The following TLN2 variants were observed in gnomAD, a reference collection of about 807,000 sequenced individuals.
TLN2 encodes the protein talin 2.
TLN2 carries 118 observed loss-of-function variants against 294.7 expected under a neutral mutation model. That is an observed-to-expected ratio of 0.40 (90% confidence interval 0.34 to 0.47). TLN2 has a LOEUF of 0.47. Ranked by LOEUF, TLN2 falls within the 20% of genes least tolerant of loss-of-function variation. TLN2 has a pLI of 0.84. For missense variants in TLN2, 3,083 were observed against 3,282.2 expected, an observed-to-expected ratio of 0.94 and a Z score of 1.48; for synonymous variants, 1,431 against 1,304.5, an observed-to-expected ratio of 1.10 and a Z score of -2.09.
intron 2 of TLN2, among the ~76,000 whole-genome samples, chr15:62,595,002 A>G (rs980414448): frequency 6.6e-6 from 1 of 152,250 alleles, no homozygotes; most frequent in Non-Finnish European, 1.5e-5. Context: ...ACATTTCTCA[A>G]AAGAAGATAC....
intron 1 of TLN2, among the ~76,000 whole-genome samples, chr15:62,490,037 T>C (rs1032793314): frequency 6.6e-6 from 1 of 152,208 alleles, no homozygotes; most frequent in Non-Finnish European, 1.5e-5. Flanking sequence ...GGCATTGCAT[T>C]CGGGGGTAAT....
chr15:62,428,788 A>C (rs770546343), intron 1 of TLN2, among the ~76,000 whole-genome samples: 8 of 152,232 alleles, frequency 5.3e-5, no homozygotes, highest in Non-Finnish European at 4.4e-5. Context: ...GTCGTGTGTT[A>C]AAGTGTGAAT....
chr15:62,445,697 T>C (rs1455292863), intron 1 of TLN2, among the ~76,000 whole-genome samples: 1 of 152,010 alleles, frequency 6.6e-6, no homozygotes, highest in Admixed American at 6.6e-5. Flanking sequence ...AGGGTCTTGC[T>C]CTGTCACCGA....
chr15:62,466,653 A>T (rs1023118851), intron 1 of TLN2, among the ~76,000 whole-genome samples: 2 of 152,276 alleles, frequency 1.3e-5, no homozygotes, highest in African/African-American at 4.8e-5. Context: ...GGAATATAAA[A>T]TGCACAGCTG....
intron 42 of TLN2, among the ~76,000 whole-genome samples, chr15:62,776,510 G>T (rs1354151997): frequency 1.3e-5 from 2 of 152,068 alleles, no homozygotes; most frequent in African/African-American, 4.8e-5. Context: ...TATAAAATTG[G>T]TCATGTCATA....
At chr15:62,773,757 C>T (rs1293306027) in intron 42 of TLN2, among the ~76,000 whole-genome samples, 4 of 152,150 alleles carry the variant, frequency 2.6e-5, no homozygotes, top group Non-Finnish European at 5.9e-5. Context: ...CTGCCTCTCA[C>T]GAGTAAATTA....
rs761041038 is a variant in TLN2, at chr15:62,752,350, G to A, written c.4255G>A (p.Gly1419Arg). Residue 1419 changes from glycine (G) to arginine (R), a missense_variant, in exon 35 of 59, where the codon GGA (glycine) becomes AGA (arginine). Transcript: ENST00000636159. ...AGGGATTTCACAGAATGCCAAGACC[G>A]GAGACCTCCCTGCCTTTGGGGAATG... The part of the protein sequence containing the change: ...MAGISQNAKT[G>R]DLPAFGECVG... 2.4e-5 allele frequency: 38 copies of A among 1,614,002 alleles called. No individual in the cohort carries two copies. In the East Asian group the frequency reaches 2.5e-4, roughly 10 times the overall value.
In TLN2 at chr15:62,708,619, A is replaced by C. The variant is rs1447975469; in HGVS notation, c.2290A>C (p.Ser764Arg). Residue 764 changes from serine to arginine, a missense_variant, in exon 21 of 59, where the codon AGT becomes CGT. Coordinates refer to ENST00000636159, the MANE Select transcript of TLN2 (RefSeq NM_015059.3). ...VRACQAATTD[S>R]ELLKQVSAAA... The stretch of plus-strand genomic sequence containing the variant: ...TGCCTGCCAGGCGGCCACTACCGAT[A>C]GTGAGCTCCTGAAGCAGGTCAGCGC... 1 of 1,614,186 alleles carries C rather than the reference A, an allele frequency of 6.2e-7. No homozygotes were observed. The highest frequency in any genetic ancestry group is 1.7e-5 in the Admixed American group (1 of 60,018).
intron 1 of TLN2, among the ~76,000 whole-genome samples, chr15:62,467,718 A>G (rs578244962): frequency 3.1e-4 from 47 of 152,288 alleles, no homozygotes; most frequent in Non-Finnish European, 4.9e-4. Flanking sequence ...AAGCATGCAC[A>G]TATTGAATAA....
At chr15:62,480,175 G>T (rs902816562) in intron 1 of TLN2, among the ~76,000 whole-genome samples, 4 of 152,132 alleles carry the variant, frequency 2.6e-5, no homozygotes, top group African/African-American at 9.7e-5. Context: ...AGAAGTGTCT[G>T]CTCCTTCCTA....
Position 62,505,779 on chromosome 15 carries a change from C to T in TLN2, c.-237-83908C>T, listed in dbSNP as rs75759582. On this transcript the variant is annotated intron_variant, in intron 1 of 58. Transcript: ENST00000636159. ...CATGAGGAAGGTGGAAGGAAGTTCT[C>T]CCTAAACTTAATCTGTAACATAGTT... Among the ~76,000 whole-genome samples the T allele has an allele frequency of 4.2e-4, 64 of 152,298 alleles. 1 individual carries two copies. In the East Asian group the frequency reaches 6.2e-3, roughly 15 times the overall value.
At position 62,796,157 on chromosome 15, in the gene TLN2, G is replaced by A. The variant is rs1055494414; in HGVS notation, c.5914G>A (p.Gly1972Arg). ...VSLVLSALQA[G>R]NKGTQACITA... ...CTTGGTGCTCTCGGCTCTCCAGGCC[G>A]GGAACAAAGGAACCCAGGCATGCAT... Residue 1972 changes from glycine (G) to arginine (R), a missense_variant, in exon 47 of 59, where the codon GGG (glycine) becomes AGG (arginine). Gly to Arg is a moderately radical substitution (Grantham distance 125). Transcript: ENST00000636159. 12 of 1,614,096 alleles carry A rather than the reference G, an allele frequency of 7.4e-6. No homozygotes were observed. The East Asian group carries it at 1.1e-4, about 15-fold the overall frequency.
intron 52 of TLN2, 31 bp from the exon 53 acceptor site, chr15:62,819,485 C>G: frequency 6.3e-7 from 1 of 1,577,228 alleles, no homozygotes; most frequent in Non-Finnish European, 8.7e-7. Flanking sequence ...TACTATCCCC[C>G]TCATGCCTCT....
At chr15:62,691,956 G>A (rs1010806503) in intron 12 of TLN2, among the ~76,000 whole-genome samples, 2 of 152,188 alleles carry the variant, frequency 1.3e-5, no homozygotes, top group South Asian at 2.1e-4. Flanking sequence ...TCACAGGTAT[G>A]AGCACTGTGC....
chr15:62,644,789 C>T (rs1327471143), intron 3 of TLN2: 3 of 346,234 alleles, frequency 8.7e-6, no homozygotes, highest in Admixed American at 4.0e-5. Context: ...ATTTGGCTCT[C>T]GGGTCCATGT....
intron 41 of TLN2, among the ~76,000 whole-genome samples, chr15:62,767,126 A>T (rs139881379): frequency 0.011 from 1,705 of 152,358 alleles, 12 homozygotes; most frequent in Middle Eastern, 0.027. Context: ...AGATGTACAT[A>T]GGAAGAAATA....
At chr15:62,784,062 T>TAA in intron 45 of TLN2, 172 bp downstream of exon 45, 1 of 1,164,816 alleles carries the variant, frequency 8.6e-7, no homozygotes. Context: ...CCCCAGGCTG[T>TAA]ACTCAAGTCT....
chr15:62,716,525 G>T, intron 23 of TLN2, 66 bp downstream of exon 23: 1 of 1,526,788 alleles, frequency 6.5e-7, no homozygotes, highest in Non-Finnish European at 8.8e-7. Flanking sequence ...TGAAAAGATA[G>T]TTGAATTAAC....
At chr15:62,659,100 C>T (rs983741176) in intron 9 of TLN2, among the ~76,000 whole-genome samples, 1 of 152,166 alleles carries the variant, frequency 6.6e-6, no homozygotes, top group Non-Finnish European at 1.5e-5. Context: ...TCACCGGGTT[C>T]CTATATTGAT....
Sources: gnomAD v4.1 joint callset for allele counts (sites outside exome capture counted in the v4.1 genomes callset) on GRCh38, gnomAD v4.1.1 for gene constraint, MANE v1.5 for transcripts, NCBI Gene and HGNC (gene_info 2026-07-23, HGNC 2026-07-21) for gene names.